TNFAIP8: variants seen among roughly 807,000 people sequenced by gnomAD.
The protein encoded by TNFAIP8 is TNF alpha induced protein 8, also known as tumor necrosis factor alpha-induced protein 8.
Under a neutral mutation model 13.3 loss-of-function variants are expected in TNFAIP8, and 7 were observed. That is an observed-to-expected ratio of 0.52 (90% CI 0.30 to 0.99). The LOEUF is 0.99. TNFAIP8 is among the 50% of genes least tolerant of loss of function. The pLI, the probability that TNFAIP8 is intolerant of heterozygous loss-of-function variation, is 0.07. For missense variants in TNFAIP8, 258 were observed against 236.9 expected, an observed-to-expected ratio of 1.09 and a Z score of -0.58; for synonymous variants, 94 against 87.6, an observed-to-expected ratio of 1.07 and a Z score of -0.41.
upstream of TNFAIP8, among the ~76,000 whole-genome samples, chr5:119,353,207 C>T (rs918397080): frequency 6.6e-6 from 1 of 152,170 alleles, no homozygotes; most frequent in Non-Finnish European, 1.5e-5. Context: ...ATCAACAAGT[C>T]CCACCTACAG....
intron 1 of TNFAIP8, among the ~76,000 whole-genome samples, chr5:119,357,144 C>T (rs924313392): frequency 1.1e-4 from 16 of 152,134 alleles, no homozygotes; most frequent in African/African-American, 3.1e-4. Flanking sequence ...CAGAGGAAAG[C>T]TTTGTGTTTC....
upstream of TNFAIP8, among the ~76,000 whole-genome samples, chr5:119,351,682 T>G (rs1235549335): frequency 6.6e-6 from 1 of 152,212 alleles, no homozygotes. Flanking sequence ...GAGCTTGATC[T>G]TCTGCAAAAG....
chr5:119,393,694 G>C lies in TNFAIP8; in HGVS notation c.*313G>C. ...GACCTGAGGACTTTTTAATAGGGCAGTTGTTGTGTTGGTGGCACATTGGAT... is the reference window on the plus strand; with the variant it reads ...GACCTGAGGACTTTTTAATAGGGCACTTGTTGTGTTGGTGGCACATTGGAT... On this transcript the variant is annotated 3_prime_UTR_variant, in exon 2 of 2. Coordinates refer to ENST00000504771, the MANE Select transcript of TNFAIP8 (RefSeq NM_014350.4). 1 of 268,148 alleles carries C rather than the reference G, an allele frequency of 3.7e-6. No individual in the cohort carries two copies. Among genetic ancestry groups the C allele is most frequent in the Non-Finnish European group, 7.1e-6 (1 of 140,080 alleles). 16.6% of individuals were successfully genotyped at this position (268,148 alleles called of 1,614,324 possible).
chr5:119,300,837 T>C (rs1382032020), intron 1 of TNFAIP8, among the ~76,000 whole-genome samples: 1 of 152,196 alleles, frequency 6.6e-6, no homozygotes, highest in African/African-American at 2.4e-5. Flanking sequence ...CTATGTGTTA[T>C]GCTTTCTTTA....
At position 119,290,748 on chromosome 5, in the gene TNFAIP8, G is replaced by A. The variant is rs116980391; in HGVS notation, c.1+21841G>A. On this transcript the variant is annotated intron_variant, in intron 1 of 1. Coordinates refer to the TNFAIP8 transcript ENST00000274456. ...GTGTTGGGATGCCTCAAAGGAAGGAGGCAGAATGTAAAATTGATGGATTTT... is the reference window on the plus strand; with the variant it reads ...GTGTTGGGATGCCTCAAAGGAAGGAAGCAGAATGTAAAATTGATGGATTTT... Among the ~76,000 whole-genome samples the A allele has an allele frequency of 6.3e-3, 953 of 152,270 alleles. 11 individuals are homozygous for A. Among genetic ancestry groups the A allele is most frequent in the East Asian group, 0.061 (318 of 5,184 alleles).
Position 119,335,695 on chromosome 5 carries a change from A to G in TNFAIP8, c.2-57121A>G, listed in dbSNP as rs1396264861. On this transcript the variant is annotated intron_variant, in intron 1 of 1. Coordinates refer to the TNFAIP8 transcript ENST00000274456. ...ATACTTCTTGAATTATGTCCCAGGCACCTTCCAGGTACTAAGGCAGTGAAC... is the reference window on the plus strand; with the variant it reads ...ATACTTCTTGAATTATGTCCCAGGCGCCTTCCAGGTACTAAGGCAGTGAAC... Among the ~76,000 whole-genome samples, 3 of 152,054 alleles carry G rather than the reference A, an allele frequency of 2.0e-5. No homozygotes were observed. In the East Asian group the frequency reaches 5.8e-4, roughly 29 times the overall value.
chr5:119,387,413 T>G (rs1752722602), intron 1 of TNFAIP8, among the ~76,000 whole-genome samples: 1 of 152,230 alleles, frequency 6.6e-6, no homozygotes, highest in East Asian at 1.9e-4. Context: ...GGCAAGAATT[T>G]GCAATGTATG....
At chr5:119,378,801 C>G (rs1442688881) in intron 1 of TNFAIP8, among the ~76,000 whole-genome samples, 1 of 152,164 alleles carries the variant, frequency 6.6e-6, no homozygotes, top group African/African-American at 2.4e-5. Context: ...TGGCTGGGCG[C>G]AGTGGTTCAC....
chr5:119,272,912 C>T (rs1748332457), intron 1 of TNFAIP8, among the ~76,000 whole-genome samples: 1 of 152,326 alleles, frequency 6.6e-6, no homozygotes, highest in East Asian at 1.9e-4. Flanking sequence ...CCACTAAAAA[C>T]AAGGGTTGCG....
At chr5:119,322,749 C>T (rs1191255411) in intron 1 of TNFAIP8, among the ~76,000 whole-genome samples, 1 of 152,180 alleles carries the variant, frequency 6.6e-6, no homozygotes, top group Non-Finnish European at 1.5e-5. Flanking sequence ...ATTCTCTGCC[C>T]TTCTTATTCG....
Position 119,393,280 on chromosome 5 carries a change from G to C in TNFAIP8, c.496G>C (p.Glu166Gln), listed in dbSNP as rs549571138. The part of the protein sequence containing the change: ...NNVFDHFSDC[E>Q]FLAALYNPFG... ...TGTGTTTGATCATTTTTCAGATTGT[G>C]AATTTTTGGCTGCCTTGTATAATCC... The change falls in exon 2 of 2, where the codon GAA becomes CAA. Residue 166 changes from glutamate to glutamine, a missense_variant. Glu to Gln is a conservative substitution (Grantham distance 29, BLOSUM62 2). Transcript: ENST00000504771. The C allele has an allele frequency of 6.2e-7, 1 of 1,613,978 alleles. No individual in the cohort carries two copies. The highest frequency in any genetic ancestry group is 1.1e-5 in the South Asian group (1 of 91,084).
chr5:119,272,178 G>T (rs1472893290), intron 1 of TNFAIP8, among the ~76,000 whole-genome samples: 5 of 152,200 alleles, frequency 3.3e-5, no homozygotes, highest in Admixed American at 2.6e-4. Context: ...GAGCCAAGGG[G>T]TATCTTGGAA....
chr5:119,355,318 G>A, upstream of TNFAIP8: 1 of 702,110 alleles, frequency 1.4e-6, no homozygotes, highest in East Asian at 2.7e-5. Flanking sequence ...TGCCCGGGCT[G>A]TGCTTGGAGT....
intron 1 of TNFAIP8, among the ~76,000 whole-genome samples, chr5:119,384,201 G>A (rs1450619955): frequency 5.3e-5 from 8 of 152,040 alleles, no homozygotes; most frequent in Non-Finnish European, 8.8e-5. Flanking sequence ...GTAAGATAAC[G>A]TGGCCCGGCA....
At chr5:119,298,194 C>T (rs1749240799) in intron 1 of TNFAIP8, among the ~76,000 whole-genome samples, 1 of 152,074 alleles carries the variant, frequency 6.6e-6, no homozygotes, top group African/African-American at 2.4e-5. Context: ...GCAGTTTCTT[C>T]CTAGCCTCGA....
chr5:119,317,663 A>G (rs539280378), intron 1 of TNFAIP8, among the ~76,000 whole-genome samples: 3 of 151,568 alleles, frequency 2.0e-5, no homozygotes, highest in Non-Finnish European at 2.9e-5. Context: ...CAGTGGCGCG[A>G]TTTCGGCTCA....
At chr5:119,304,029 C>T (rs538521668) in intron 1 of TNFAIP8, among the ~76,000 whole-genome samples, 4 of 152,232 alleles carry the variant, frequency 2.6e-5, no homozygotes, top group Non-Finnish European at 2.9e-5. Context: ...ATGGCTTGAG[C>T]GATCTTTCTA....
exon 1 of TNFAIP8, chr5:119,268,897 C>A: frequency 4.3e-6 from 3 of 702,004 alleles, no homozygotes; most frequent in South Asian, 1.5e-5. Flanking sequence ...GCCGTCGCGC[C>A]ACTCCTCCGA....
chr5:119,323,390 C>G (rs1300619266), intron 1 of TNFAIP8, among the ~76,000 whole-genome samples: 1 of 152,180 alleles, frequency 6.6e-6, no homozygotes, highest in African/African-American at 2.4e-5. Context: ...CCCACCCCAC[C>G]CTGCATACAT....
Sources: allele counts gnomAD v4.1 joint callset (sites outside exome capture counted in the v4.1 genomes callset), GRCh38; gene constraint gnomAD v4.1.1; transcripts MANE v1.5; gene names NCBI Gene and HGNC (gene_info 2026-07-23, HGNC 2026-07-21).